Variants in CACNA2D1 observed in about 807,000 individuals in gnomAD.
The protein encoded by CACNA2D1 is voltage-dependent calcium channel subunit alpha-2/delta-1.
In CACNA2D1, 53 loss-of-function variants were observed where a neutral mutation model predicts 171.5. That is an observed-to-expected ratio of 0.31 (90% confidence interval 0.25 to 0.39). The LOEUF is 0.39. Ranked by LOEUF, CACNA2D1 falls within the 10% of genes least tolerant of loss-of-function variation. CACNA2D1 has a pLI of 1.00. For missense variants in CACNA2D1, 903 were observed against 1,299.8 expected, an observed-to-expected ratio of 0.69 and a Z score of 4.69; for synonymous variants, 442 against 443.1, an observed-to-expected ratio of 1.00 and a Z score of 0.03.
At chr7:82,215,293 A>T (rs1372993240) in intron 3 of CACNA2D1, among the ~76,000 whole-genome samples, 1 of 152,062 alleles carries the variant, frequency 6.6e-6, no homozygotes, top group Admixed American at 6.6e-5. Context: ...AGTCAGGGAG[A>T]TAGGTTTGAA....
chr7:82,296,400 C>T (rs1330725816), intron 3 of CACNA2D1, among the ~76,000 whole-genome samples: 2 of 152,108 alleles, frequency 1.3e-5, no homozygotes, highest in Non-Finnish European at 2.9e-5. Context: ...AATTTTGCAG[C>T]CTTGGGCACT....
intron 3 of CACNA2D1, among the ~76,000 whole-genome samples, chr7:82,294,345 T>G (rs1812011221): frequency 6.6e-6 from 1 of 152,088 alleles, no homozygotes; most frequent in African/African-American, 2.4e-5. Context: ...GATGGAAATT[T>G]TAACTTGATA....
chr7:82,086,122 G>A (rs1175268893), intron 6 of CACNA2D1, among the ~76,000 whole-genome samples: 1 of 152,120 alleles, frequency 6.6e-6, no homozygotes, highest in Non-Finnish European at 1.5e-5. Flanking sequence ...TGGAGATACA[G>A]CTTAACGTCT....
At chr7:81,965,018 A>G (rs1794568604) in intron 32 of CACNA2D1, among the ~76,000 whole-genome samples, 1 of 151,916 alleles carries the variant, frequency 6.6e-6, no homozygotes, top group South Asian at 2.1e-4. Flanking sequence ...GCTGTGATGA[A>G]CTGGAACAAG....
intron 3 of CACNA2D1, among the ~76,000 whole-genome samples, chr7:82,309,344 T>G (rs1257277942): frequency 6.6e-6 from 1 of 151,914 alleles, no homozygotes; most frequent in African/African-American, 2.4e-5. Context: ...AGGTGGGGGT[T>G]GCAGTGAGCC....
intron 4 of CACNA2D1, among the ~76,000 whole-genome samples, chr7:82,137,317 A>T (rs747724483): frequency 5.9e-5 from 9 of 152,162 alleles, no homozygotes; most frequent in Non-Finnish European, 1.3e-4. Context: ...CATAAATATA[A>T]ATTAGGGCTA....
chr7:81,949,902 CTCTT>C lies in CACNA2D1; in HGVS notation c.*486_*489del. Reference sequence around the variant, plus strand: ...AACAATTTAGACCAATGTTAATTCTCTCTTTCTCTATATATTTCAATAATTGCTA... The same window carrying C: ...AACAATTTAGACCAATGTTAATTCTCTCTCTATATATTTCAATAATTGCTA... On this transcript the variant is annotated 3_prime_UTR_variant, in exon 39 of 39. Coordinates refer to ENST00000356860, the MANE Select transcript of CACNA2D1 (RefSeq NM_000722.4). 3 of 154,404 alleles carry C rather than the reference CTCTT, an allele frequency of 1.9e-5. No homozygotes were observed. The Middle Eastern group carries it at 9.9e-3, about 511-fold the overall frequency. 9.6% of individuals were successfully genotyped at this position (154,404 alleles called of 1,614,324 possible).
At chr7:82,401,303 A>T (rs1424282243) in intron 1 of CACNA2D1, among the ~76,000 whole-genome samples, 1 of 151,714 alleles carries the variant, frequency 6.6e-6, no homozygotes, top group Non-Finnish European at 1.5e-5. Flanking sequence ...CTTGGAACCA[A>T]CCCAAATGTC....
chr7:82,132,670 G>A (rs1791133581), intron 5 of CACNA2D1, among the ~76,000 whole-genome samples: 1 of 152,168 alleles, frequency 6.6e-6, no homozygotes, highest in Non-Finnish European at 1.5e-5. Flanking sequence ...AGAACCTTGA[G>A]GGCTGGAAAG....
intron 3 of CACNA2D1, among the ~76,000 whole-genome samples, chr7:82,278,871 G>T (rs957297899): frequency 1.7e-4 from 26 of 152,234 alleles, no homozygotes; most frequent in African/African-American, 6.0e-4. Context: ...ACATGTAAGG[G>T]TCTACTCGTT....
intron 3 of CACNA2D1, among the ~76,000 whole-genome samples, chr7:82,186,231 G>GAAGGAAGGAAGGA (rs1797741359): frequency 1.2e-5 from 1 of 86,366 alleles, no homozygotes; most frequent in African/African-American, 4.1e-5. Context: ...GAGAGAGAGA[G>GAAGGAAGGAAGGA]AAGGAAGGAA....
intron 3 of CACNA2D1, among the ~76,000 whole-genome samples, chr7:82,172,658 A>C (rs1204333497): frequency 7.2e-6 from 1 of 139,796 alleles, no homozygotes; most frequent in Non-Finnish European, 1.5e-5. Context: ...ATGGGGTCTC[A>C]AACTCCTAGC....
chr7:82,076,573 A>G (rs1275090475), intron 7 of CACNA2D1, among the ~76,000 whole-genome samples: 1 of 152,104 alleles, frequency 6.6e-6, no homozygotes, highest in Non-Finnish European at 1.5e-5. Flanking sequence ...ATTAATTCCT[A>G]TTTGATCCCT....
chr7:82,036,805 C>T (rs540985187), intron 11 of CACNA2D1, among the ~76,000 whole-genome samples: 1 of 152,244 alleles, frequency 6.6e-6, no homozygotes, highest in African/African-American at 2.4e-5. Context: ...GCATAAAGAT[C>T]AAATATAAGA....
intron 24 of CACNA2D1, among the ~76,000 whole-genome samples, chr7:81,976,762 G>A (rs1795895404): frequency 6.6e-6 from 1 of 152,212 alleles, no homozygotes; most frequent in African/African-American, 2.4e-5. Context: ...GCTGAGGCAG[G>A]TGAATCGCTT....
At chr7:82,201,513 T>G (rs764935713) in intron 3 of CACNA2D1, among the ~76,000 whole-genome samples, 7 of 152,244 alleles carry the variant, frequency 4.6e-5, no homozygotes, top group Admixed American at 3.3e-4. Context: ...CGACACTAAG[T>G]GTTGGACAAT....
At chr7:82,265,092 G>A (rs1456699930) in intron 3 of CACNA2D1, among the ~76,000 whole-genome samples, 1 of 152,180 alleles carries the variant, frequency 6.6e-6, no homozygotes, top group Non-Finnish European at 1.5e-5. Context: ...CCAAATGAAT[G>A]GCTGGCTGAA....
At chr7:82,341,280 A>G (rs548753264) in intron 2 of CACNA2D1, among the ~76,000 whole-genome samples, 1 of 152,098 alleles carries the variant, frequency 6.6e-6, no homozygotes, top group Non-Finnish European at 1.5e-5. Flanking sequence ...TTTCTTTATC[A>G]TAAGTCTCCT....
chr7:82,081,520 G>A (rs1322652844), intron 7 of CACNA2D1, among the ~76,000 whole-genome samples: 2 of 152,102 alleles, frequency 1.3e-5, no homozygotes, highest in Non-Finnish European at 2.9e-5. Flanking sequence ...AGTCAAGTGG[G>A]CTATTTTAAT....
Sources: gnomAD v4.1 joint callset for allele counts (sites outside exome capture counted in the v4.1 genomes callset) on GRCh38, gnomAD v4.1.1 for gene constraint, MANE v1.5 for transcripts, NCBI Gene and HGNC (gene_info 2026-07-23, HGNC 2026-07-21) for gene names.